Variants in PPP3CC observed in about 807,000 individuals in gnomAD.
PPP3CC encodes the protein serine/threonine-protein phosphatase 2B catalytic subunit gamma isoform.
A neutral mutation model predicts 60.3 loss-of-function variants in PPP3CC; 35 were observed. The observed-to-expected ratio is 0.58, with a 90% CI of 0.44 to 0.77. The LOEUF (loss-of-function observed/expected upper bound fraction) is 0.77, where lower values mean the gene tolerates loss of function less well. Among genes scored for constraint, PPP3CC ranks in the 30% least tolerant of loss-of-function variants. PPP3CC has a pLI of 0.00. For missense variants in PPP3CC, 570 were observed against 628.9 expected, an observed-to-expected ratio of 0.91 and a Z score of 1.00; for synonymous variants, 206 against 224.3, an observed-to-expected ratio of 0.92 and a Z score of 0.73.
intron 4 of PPP3CC, among the ~76,000 whole-genome samples, chr8:22,499,752 A>G (rs530652415): frequency 1.3e-5 from 2 of 152,258 alleles, no homozygotes; most frequent in Admixed American, 6.5e-5. Flanking sequence ...CTATCTGCGT[A>G]TAAGACATAC....
chr8:22,441,454 CA>C lies in PPP3CC; in HGVS notation c.48del (p.Ala17LeufsTer26). On this transcript the variant is annotated frameshift_variant, in exon 1 of 14. Coordinates refer to ENST00000240139, the MANE Select transcript of PPP3CC (RefSeq NM_005605.5). LOFTEE classifies it high-confidence loss of function. ...FHLSTTDRVI[K>X]AVPFPPTQRL... is the part of the protein sequence containing the mutation. ...ACCTCTCCACCACCGACCGCGTCAT[CA>C]AAGGTGCCTGGCGGGCCGGGCCTTC... The C allele has an allele frequency of 6.5e-7, 1 of 1,544,732 alleles. No individual in the cohort carries two copies. The highest frequency in any genetic ancestry group is 8.7e-7 in the Non-Finnish European group (1 of 1,145,074).
At chr8:22,471,544 G>A (rs1283771928) in intron 1 of PPP3CC, among the ~76,000 whole-genome samples, 1 of 152,090 alleles carries the variant, frequency 6.6e-6, no homozygotes, top group Non-Finnish European at 1.5e-5. Context: ...TGTACAGCAG[G>A]TTACTGTACT....
intron 1 of PPP3CC, among the ~76,000 whole-genome samples, chr8:22,461,685 T>C (rs7837713): frequency 0.058 from 8,795 of 151,854 alleles, 288 homozygotes; most frequent in South Asian, 0.11. Context: ...AGGAATAACA[T>C]ACATCAGAAG....
At chr8:22,528,435 A>G in intron 9 of PPP3CC, 71 bp from the exon 10 acceptor site, 1 of 1,005,404 alleles carries the variant, frequency 9.9e-7, no homozygotes, top group Non-Finnish European at 1.4e-6. Flanking sequence ...GTGTTTATTT[A>G]GATATCCACA....
rs550990797 is a variant in PPP3CC, at chr8:22,481,289, C to T, written c.372+5665C>T. ...GGCAGAGGTTGCAGTGAGCCAAGAT[C>T]GCGCCACTGCACTGCAGCCTGGGCA... On this transcript the variant is annotated intron_variant, in intron 3 of 13. Transcript: ENST00000240139. Among the ~76,000 whole-genome samples, 864 of 151,678 alleles carry T rather than the reference C, an allele frequency of 5.7e-3. 5 individuals carry two copies. The highest frequency in any genetic ancestry group is 9.4e-3 in the Non-Finnish European group (641 of 67,904).
intron 1 of PPP3CC, among the ~76,000 whole-genome samples, chr8:22,473,016 T>G (rs1398677841): frequency 6.6e-6 from 1 of 152,148 alleles, no homozygotes; most frequent in Non-Finnish European, 1.5e-5. Context: ...ATTTTAGTGG[T>G]TGGGTAGCTG....
chr8:22,453,145 C>T (rs1333101452), intron 1 of PPP3CC, among the ~76,000 whole-genome samples: 2 of 152,140 alleles, frequency 1.3e-5, no homozygotes, highest in Non-Finnish European at 2.9e-5. Context: ...ATAGTGCCTA[C>T]CTCAGAATTT....
At chr8:22,443,173 TTAAA>T (rs1458085876) in intron 1 of PPP3CC, among the ~76,000 whole-genome samples, 2 of 152,178 alleles carry the variant, frequency 1.3e-5, no homozygotes, top group Admixed American at 6.6e-5. Flanking sequence ...TAAATGACCC[TTAAA>T]TATAGTAATA....
intron 1 of PPP3CC, among the ~76,000 whole-genome samples, chr8:22,459,285 C>G (rs1308701909): frequency 6.6e-6 from 1 of 152,154 alleles, no homozygotes; most frequent in Admixed American, 6.5e-5. Flanking sequence ...CTTTTTAATA[C>G]AGAGCTGCAA....
At chr8:22,531,831 G>A (rs1839724678) in intron 10 of PPP3CC, among the ~76,000 whole-genome samples, 1 of 152,192 alleles carries the variant, frequency 6.6e-6, no homozygotes, top group South Asian at 2.1e-4. Flanking sequence ...TTGGCAGGCC[G>A]AACCCTGCAC....
chr8:22,474,921 A>G, intron 1 of PPP3CC, 33 bp from the exon 2 acceptor site: 10 of 1,302,162 alleles, frequency 7.7e-6, no homozygotes, highest in Non-Finnish European at 1.0e-5. Context: ...ATACATTTAA[A>G]TATTTTAAAT....
chr8:22,521,262 TA>T (rs1839398238), intron 6 of PPP3CC, among the ~76,000 whole-genome samples: 1 of 152,178 alleles, frequency 6.6e-6, no homozygotes, highest in Non-Finnish European at 1.5e-5. Context: ...TTGGCCACAG[TA>T]GAGCAGGGCT....
intron 4 of PPP3CC, among the ~76,000 whole-genome samples, chr8:22,499,034 G>C (rs1044454543): frequency 2.0e-5 from 3 of 152,088 alleles, no homozygotes; most frequent in African/African-American, 7.2e-5. Context: ...TGAGGCAGGA[G>C]AATGGCTTGA....
chr8:22,475,233 T>A, intron 2 of PPP3CC, 82 bp downstream of exon 2: 1 of 1,314,618 alleles, frequency 7.6e-7, no homozygotes, highest in African/African-American at 1.5e-5. Flanking sequence ...AATAACCAGC[T>A]AAAAAGTGGT....
intron 12 of PPP3CC, 113 bp from the exon 13 acceptor site, chr8:22,539,356 G>A: frequency 9.7e-7 from 1 of 1,030,914 alleles, no homozygotes; most frequent in Non-Finnish European, 1.5e-6. Flanking sequence ...TTATGGATGG[G>A]GATAGGCTAA....
Position 22,496,485 on chromosome 8 carries a change from C to CTTTTTTTTTTTTTTTTTTTTTTTT in PPP3CC, c.373-1509_373-1486dup, listed in dbSNP as rs71206523. On this transcript the variant is annotated intron_variant, in intron 3 of 13. Coordinates refer to ENST00000240139, the MANE Select transcript of PPP3CC (RefSeq NM_005605.5). ...AAGTTAAATTAGGGAGAACTGTAAT[C>CTTTTTTTTTTTTTTTTTTTTTTTT]TTTTTTTTTTTTTTTTTTTTTTTTT... Among the ~76,000 whole-genome samples the CTTTTTTTTTTTTTTTTTTTTTTTT allele has an allele frequency of 7.1e-4, 31 of 43,584 alleles. 9 individuals are homozygous for CTTTTTTTTTTTTTTTTTTTTTTTT. Among genetic ancestry groups the CTTTTTTTTTTTTTTTTTTTTTTTT allele is most frequent in the East Asian group, 8.8e-4 (1 of 1,130 alleles). 28.6% of individuals were successfully genotyped at this position (43,584 alleles called of 152,430 possible). A position where few individuals can be genotyped will look rare whatever the true frequency, so the allele number is the denominator to read the frequency against.
At chr8:22,470,639 G>T (rs1837693997) in intron 1 of PPP3CC, among the ~76,000 whole-genome samples, 1 of 152,112 alleles carries the variant, frequency 6.6e-6, no homozygotes, top group Non-Finnish European at 1.5e-5. Context: ...ATATTCAAAT[G>T]GCCCTTAAGC....
chr8:22,540,852 CTATT>C lies in PPP3CC; in HGVS notation c.*59_*62del. The C allele has an allele frequency of 2.1e-6, 3 of 1,417,930 alleles. No individual in the cohort carries two copies. Among genetic ancestry groups the C allele is most frequent in the Non-Finnish European group, 2.8e-6 (3 of 1,071,692 alleles). 87.8% of individuals were successfully genotyped at this position (1,417,930 alleles called of 1,614,324 possible). ...TGGATCTAAAACTCAAGAACAAATT[CTATT>C]TATTTATTATTGGAAAATGAAAAGC... is the stretch of plus-strand genomic sequence containing the variant. On this transcript the variant is annotated 3_prime_UTR_variant, in exon 14 of 14. Coordinates refer to ENST00000240139, the MANE Select transcript of PPP3CC (RefSeq NM_005605.5).
At chr8:22,442,858 TAGC>T (rs1312674483) in intron 1 of PPP3CC, among the ~76,000 whole-genome samples, 1 of 152,226 alleles carries the variant, frequency 6.6e-6, no homozygotes, top group African/African-American at 2.4e-5. Context: ...ATAAAGTTGT[TAGC>T]AGTTTCGTCC....
Sources: allele counts gnomAD v4.1 joint callset (sites outside exome capture counted in the v4.1 genomes callset), GRCh38; gene constraint gnomAD v4.1.1; transcripts MANE v1.5; gene names NCBI Gene and HGNC (gene_info 2026-07-23, HGNC 2026-07-21).